EDNRA: variants seen among roughly 807,000 people sequenced by gnomAD.
EDNRA encodes endothelin-1 receptor.
EDNRA carries 11 observed loss-of-function variants against 41.4 expected under a neutral mutation model. The ratio of observed to expected loss-of-function variants is 0.27; its 90% CI spans 0.17 to 0.44. EDNRA has a LOEUF of 0.44. EDNRA is among the 20% of genes least tolerant of loss of function. EDNRA has a pLI of 1.00. For synonymous variants in EDNRA, 172 were observed against 183.0 expected, an observed-to-expected ratio of 0.94 and a Z score of 0.49; for missense variants, 294 against 531.0, an observed-to-expected ratio of 0.55 and a Z score of 4.39.
intron 2 of EDNRA, among the ~76,000 whole-genome samples, chr4:147,498,233 A>T (rs1437908675): frequency 6.6e-6 from 1 of 152,242 alleles, no homozygotes; most frequent in Non-Finnish European, 1.5e-5. Context: ...ATAAGAGTTT[A>T]AATGTGAGTC....
chr4:147,536,557 A>G (rs1730928066), intron 5 of EDNRA, among the ~76,000 whole-genome samples: 1 of 152,178 alleles, frequency 6.6e-6, no homozygotes, highest in Non-Finnish European at 1.5e-5. Context: ...TTGATGGGGA[A>G]GAAGTTGACA....
At chr4:147,506,474 A>C (rs1729720609) in intron 2 of EDNRA, 1 of 353,366 alleles carries the variant, frequency 2.8e-6, no homozygotes, top group Non-Finnish European at 5.6e-6. Context: ...AAGTTGTAAC[A>C]GCCAGTTTTG....
chr4:147,537,605 G>A (rs13107867), intron 5 of EDNRA, among the ~76,000 whole-genome samples: 1 of 126,254 alleles, frequency 7.9e-6, no homozygotes, highest in Non-Finnish European at 1.6e-5. Flanking sequence ...TTATTTAATT[G>A]TGGAAAGAAA....
At chr4:147,540,891 G>T (rs989954054) in intron 7 of EDNRA, among the ~76,000 whole-genome samples, 3 of 151,700 alleles carry the variant, frequency 2.0e-5, no homozygotes, top group Non-Finnish European at 4.4e-5. Flanking sequence ...AGACCATCCT[G>T]GCCAACATGG....
At chr4:147,534,540 T>C (rs1353335737) in intron 4 of EDNRA, among the ~76,000 whole-genome samples, 1 of 152,194 alleles carries the variant, frequency 6.6e-6, no homozygotes, top group Non-Finnish European at 1.5e-5. Context: ...ACCATAGTGT[T>C]TACCAGTATC....
At chr4:147,499,895 C>A (rs940067306) in intron 2 of EDNRA, among the ~76,000 whole-genome samples, 4 of 149,504 alleles carry the variant, frequency 2.7e-5, no homozygotes, top group East Asian at 4.0e-4. Context: ...AACTCCGCCT[C>A]CCGAGTTCAA....
In EDNRA at chr4:147,486,423, A is replaced by G. The variant is rs1281565334; in HGVS notation, c.420+322A>G. On this transcript the variant is annotated intron_variant, in intron 2 of 7. Coordinates refer to ENST00000651419, the MANE Select transcript of EDNRA (RefSeq NM_001957.4). The surrounding 1 kb of genome is among the most constrained non-coding windows in gnomAD (Gnocchi z 4.3). ...GTCTTGGCAAGATCCCTGGATTTTT[A>G]TGAAATGCAATTTCCAGAGTGAGAG... Among the ~76,000 whole-genome samples, 1 of 152,134 alleles carries G rather than the reference A, an allele frequency of 6.6e-6. No individual in the cohort carries two copies. The highest frequency in any genetic ancestry group is 1.9e-4 in the East Asian group (1 of 5,178).
rs768683011 is a variant in EDNRA, at chr4:147,485,807, C to T, written c.126C>T (p.Gly42=). 4 of 1,614,236 alleles carry T rather than the reference C, an allele frequency of 2.5e-6. No homozygotes were observed. Residue 42 remains glycine, a synonymous_variant, in exon 2 of 8, where the codon GGC becomes GGT. Transcript: ENST00000651419. ...NHVDDFTTFR[G]TELSFLVTTH... is the part of the protein sequence containing the mutation. ...TGGATGATTTCACCACTTTTCGTGG[C>T]ACAGAGCTCAGCTTCCTGGTTACCA...
In EDNRA at chr4:147,540,803, T is replaced by C. The variant is rs17023496; in HGVS notation, c.1143+318T>C. Reference sequence around the variant, plus strand: ...ACAGAGAGTACATAAGACCTATTCATACCTTACTTTGTCTTAGACTTGAAC... The same window carrying C: ...ACAGAGAGTACATAAGACCTATTCACACCTTACTTTGTCTTAGACTTGAAC... On this transcript the variant is annotated intron_variant, in intron 7 of 7. Coordinates refer to ENST00000651419, the MANE Select transcript of EDNRA (RefSeq NM_001957.4). Among the ~76,000 whole-genome samples the C allele has an allele frequency of 2.4e-3, 371 of 152,320 alleles. 1 individual carries two copies. Among genetic ancestry groups the C allele is most frequent in the African/African-American group, 8.5e-3 (352 of 41,580 alleles).
At position 147,519,822 on chromosome 4, in the gene EDNRA, T is replaced by G. The variant is rs201603444; in HGVS notation, c.421-29T>G. 1.9e-6 allele frequency: 3 copies of G among 1,611,108 alleles called. No individual in the cohort carries two copies. Among genetic ancestry groups the G allele is most frequent in the Non-Finnish European group, 2.5e-6 (3 of 1,178,470 alleles). ...CACATGCTCCGTGCCAGCTCTACCA[T>G]TTCTTACCACTGTGTCTCCTTCTTT... is the stretch of plus-strand genomic sequence containing the variant. On this transcript the variant is annotated intron_variant, in intron 2 of 7. Transcript: ENST00000651419. This position sits in a 1 kb window ranked among gnomAD's most constrained non-coding sequence, Gnocchi z 4.1.
chr4:147,499,570 T>C (rs1729436990), intron 2 of EDNRA, among the ~76,000 whole-genome samples: 4 of 152,202 alleles, frequency 2.6e-5, no homozygotes, highest in African/African-American at 9.6e-5. Context: ...ACAATTCACA[T>C]GTTTTCTAAT....
At chr4:147,530,559 C>A (rs77531193) in intron 3 of EDNRA, among the ~76,000 whole-genome samples, 1,814 of 152,220 alleles carry the variant, frequency 0.012, 33 homozygotes, top group African/African-American at 0.042. Context: ...ATCTTATTTA[C>A]CCTAAAAATC....
chr4:147,512,431 C>G (rs1729960870), intron 2 of EDNRA, among the ~76,000 whole-genome samples: 1 of 152,146 alleles, frequency 6.6e-6, no homozygotes, highest in Non-Finnish European at 1.5e-5. Context: ...GTGAAGACCT[C>G]AACAGAGACT....
chr4:147,514,789 C>G (rs1730054667), intron 2 of EDNRA, among the ~76,000 whole-genome samples: 1 of 152,120 alleles, frequency 6.6e-6, no homozygotes, highest in Admixed American at 6.5e-5. Context: ...TTTTTTATTT[C>G]TTGTGACTAT....
At chr4:147,531,779 G>T (rs1009177723) in intron 3 of EDNRA, 5 of 152,634 alleles carry the variant, frequency 3.3e-5, no homozygotes, top group Admixed American at 2.6e-4. Flanking sequence ...GGCCAAGGCG[G>T]TCAGATCACA....
At chr4:147,522,925 A>C (rs1730376024) in intron 3 of EDNRA, among the ~76,000 whole-genome samples, 2 of 152,188 alleles carry the variant, frequency 1.3e-5, no homozygotes, top group African/African-American at 4.8e-5. Flanking sequence ...CATACACGTA[A>C]GGTTTACAGT....
intron 2 of EDNRA, chr4:147,489,540 A>G (rs1385056063): frequency 6.6e-6 from 1 of 152,186 alleles, no homozygotes; most frequent in East Asian, 1.9e-4. Flanking sequence ...AAAAGATTGT[A>G]CTGAAACGGT....
At chr4:147,528,486 G>A (rs547828274) in intron 3 of EDNRA, among the ~76,000 whole-genome samples, 3 of 151,350 alleles carry the variant, frequency 2.0e-5, no homozygotes, top group Non-Finnish European at 1.5e-5. Flanking sequence ...AGCCTCCCAA[G>A]GGAATATAGG....
chr4:147,502,367 CTAAT>C (rs1375043267), intron 2 of EDNRA, among the ~76,000 whole-genome samples: 1 of 152,092 alleles, frequency 6.6e-6, no homozygotes, highest in Non-Finnish European at 1.5e-5. Flanking sequence ...TATATAAACT[CTAAT>C]TATTAAATTA....
Sources: gnomAD v4.1 joint callset for allele counts (sites outside exome capture counted in the v4.1 genomes callset) on GRCh38, gnomAD v4.1.1 for gene constraint, Gnocchi (gnomAD v3.1) non-coding constraint, MANE v1.5 for transcripts, NCBI Gene and HGNC (gene_info 2026-07-23, HGNC 2026-07-21) for gene names.